Variants in NTM observed in about 807,000 individuals in gnomAD.
The protein encoded by NTM is neurotrimin.
A neutral mutation model predicts 42.1 loss-of-function variants in NTM; 13 were observed. The observed-to-expected ratio is 0.31, with a 90% confidence interval of 0.20 to 0.49. The LOEUF (loss-of-function observed/expected upper bound fraction) is 0.49, where lower values mean the gene tolerates loss of function less well. NTM is among the 20% of genes least tolerant of loss of function. NTM has a pLI of 0.99. For missense variants in NTM, 373 were observed against 452.8 expected (o/e 0.82, Z 1.60); for synonymous variants, 187 against 179.2 (o/e 1.04, Z -0.35).
chr11:131,643,103 A>G (rs1438532463), intron 1 of NTM, among the ~76,000 whole-genome samples: 1 of 152,134 alleles, frequency 6.6e-6, no homozygotes, highest in African/African-American at 2.4e-5. Flanking sequence ...TGAGGGGAAA[A>G]GAGAGATCAT....
At chr11:131,923,964 C>T (rs1328438866) in intron 2 of NTM, among the ~76,000 whole-genome samples, 4 of 152,288 alleles carry the variant, frequency 2.6e-5, no homozygotes, top group African/African-American at 7.2e-5. Context: ...ATAGGGGTTC[C>T]GGGCCAGTGT....
In NTM at chr11:132,335,258, G is replaced by GC; in HGVS notation, c.*112_*113insC. 6.9e-6 allele frequency: 8 copies of GC among 1,153,500 alleles called. No individual in the cohort carries two copies. In the South Asian group the frequency reaches 1.1e-4, roughly 16 times the overall value. The allele number at this position is 1,153,500 out of a possible 1,614,324, so 71.5% of individuals were successfully genotyped here. A position where few individuals can be genotyped will look rare whatever the true frequency, so the allele number is the denominator to read the frequency against. The stretch of plus-strand genomic sequence containing the variant: ...CAGATATATACAAATGAAATTAGAA[G>GC]AAACACAGCCTCATGGGACAGAAAT... On this transcript the variant is annotated 3_prime_UTR_variant, in exon 9 of 9. Transcript: ENST00000683400.
At chr11:131,476,061 A>T (rs1017913445) in intron 1 of NTM, among the ~76,000 whole-genome samples, 1 of 152,138 alleles carries the variant, frequency 6.6e-6, no homozygotes, top group Admixed American at 6.5e-5. Flanking sequence ...GGAAGGAGGC[A>T]GGGAGGGAAG....
At chr11:132,174,948 CT>C (rs1399299451) in intron 3 of NTM, among the ~76,000 whole-genome samples, 1 of 152,052 alleles carries the variant, frequency 6.6e-6, no homozygotes, top group African/African-American at 2.4e-5. Context: ...ACGAATATTT[CT>C]GGGTAACAAG....
chr11:131,759,810 T>C (rs2083863197), intron 1 of NTM, among the ~76,000 whole-genome samples: 1 of 152,158 alleles, frequency 6.6e-6, no homozygotes, highest in Non-Finnish European at 1.5e-5. Context: ...CCAGAATCCA[T>C]TGAAATCTTG....
At chr11:131,884,643 A>G (rs977564728) in intron 1 of NTM, among the ~76,000 whole-genome samples, 26 of 152,098 alleles carry the variant, frequency 1.7e-4, no homozygotes, top group Non-Finnish European at 3.1e-4. Context: ...AGCACAGGGA[A>G]ACACGGGTCC....
At chr11:132,079,982 CTAATT>C in intron 2 of NTM, among the ~76,000 whole-genome samples, 1 of 152,054 alleles carries the variant, frequency 6.6e-6, no homozygotes, top group African/African-American at 2.4e-5. Context: ...CTCATGGGCT[CTAATT>C]TAATAAAAAA....
chr11:132,168,812 C>G (rs1000449869), intron 3 of NTM, among the ~76,000 whole-genome samples: 1 of 152,058 alleles, frequency 6.6e-6, no homozygotes, highest in East Asian at 1.9e-4. Flanking sequence ...AAGGGAGGAG[C>G]CCGGAGTTGA....
chr11:131,809,882 T>C (rs541862607), intron 1 of NTM, among the ~76,000 whole-genome samples: 1 of 152,318 alleles, frequency 6.6e-6, no homozygotes, highest in African/African-American at 2.4e-5. Flanking sequence ...CGAGATTTGT[T>C]TCCAAATTCC....
intron 4 of NTM, among the ~76,000 whole-genome samples, chr11:132,264,779 C>G (rs528490027): frequency 7.9e-5 from 12 of 152,136 alleles, no homozygotes; most frequent in African/African-American, 2.9e-4. Context: ...ATTACCCAGG[C>G]CTTGCAATGT....
chr11:131,442,993 G>A (rs749278226), intron 1 of NTM, among the ~76,000 whole-genome samples: 2 of 152,094 alleles, frequency 1.3e-5, no homozygotes, highest in Non-Finnish European at 2.9e-5. Context: ...TTTGGTAGAT[G>A]CCCAGTAGTG....
intron 1 of NTM, among the ~76,000 whole-genome samples, chr11:131,516,494 C>A (rs2048911435): frequency 6.6e-6 from 1 of 152,196 alleles, no homozygotes; most frequent in Non-Finnish European, 1.5e-5. Context: ...TCTCCTGCCT[C>A]AGCCTCCCAA....
At chr11:131,798,859 G>C (rs185945020) in intron 1 of NTM, among the ~76,000 whole-genome samples, 3 of 152,282 alleles carry the variant, frequency 2.0e-5, no homozygotes, top group African/African-American at 7.2e-5. Flanking sequence ...GGAAGCAGAT[G>C]GTAACGCCCA....
At chr11:131,754,180 T>A (rs1242410323) in intron 1 of NTM, among the ~76,000 whole-genome samples, 3 of 147,834 alleles carry the variant, frequency 2.0e-5, no homozygotes, top group East Asian at 4.2e-4. Flanking sequence ...ATACCTAATG[T>A]TAAATGACGA....
intron 2 of NTM, among the ~76,000 whole-genome samples, chr11:132,095,263 G>T (rs1325031549): frequency 2.0e-5 from 3 of 152,080 alleles, no homozygotes; most frequent in Non-Finnish European, 4.4e-5. Context: ...CCTAATTTGG[G>T]AGTGGGAAGA....
intron 1 of NTM, chr11:131,581,972 A>G: frequency 6.6e-6 from 1 of 152,156 alleles, no homozygotes; most frequent in East Asian, 1.9e-4. Context: ...CCCTGCTCAC[A>G]GAGGAACAGG....
At chr11:132,293,413 G>A (rs2094515849) in intron 4 of NTM, among the ~76,000 whole-genome samples, 1 of 152,158 alleles carries the variant, frequency 6.6e-6, no homozygotes, top group Admixed American at 6.5e-5. Context: ...GAGTGAGGTG[G>A]AGGCATCTCT....
chr11:132,186,685 G>A (rs1239705221), intron 3 of NTM, among the ~76,000 whole-genome samples: 1 of 152,136 alleles, frequency 6.6e-6, no homozygotes, highest in Admixed American at 6.5e-5. Context: ...CTTTCATGGA[G>A]GTTGTCTTAT....
At chr11:132,183,716 A>G (rs2077955256) in intron 3 of NTM, among the ~76,000 whole-genome samples, 1 of 152,182 alleles carries the variant, frequency 6.6e-6, no homozygotes, top group African/African-American at 2.4e-5. Flanking sequence ...AACTCCAAAA[A>G]GTAAAGTGTG....
Sources: gnomAD v4.1 joint callset for allele counts (sites outside exome capture counted in the v4.1 genomes callset) on GRCh38, gnomAD v4.1.1 for gene constraint, MANE v1.5 for transcripts, NCBI Gene and HGNC (gene_info 2026-07-23, HGNC 2026-07-21) for gene names.